NWD2: variants seen among roughly 807,000 people sequenced by gnomAD.
NWD2 encodes the protein NACHT and WD repeat domain containing 2.
Under a neutral mutation model 132.7 loss-of-function variants are expected in NWD2, and 37 were observed. The ratio of observed to expected loss-of-function variants is 0.28; its 90% confidence interval spans 0.21 to 0.37. The LOEUF (loss-of-function observed/expected upper bound fraction) is 0.37. Ranked by LOEUF, NWD2 falls within the 10% of genes least tolerant of loss-of-function variation. The probability of loss-of-function intolerance (pLI) is 1.00; values close to 1 mark genes in which losing one functional copy is unlikely to be tolerated. For synonymous variants in NWD2, 705 were observed against 803.0 expected (o/e 0.88, Z 2.06); for missense variants, 1,592 against 2,122.4 (o/e 0.75, Z 4.91).
In NWD2 at chr4:37,439,224, C is replaced by A; in HGVS notation, c.1130C>A (p.Ser377Ter). The A allele has an allele frequency of 6.4e-7, 1 of 1,550,870 alleles. No individual in the cohort carries two copies. Among genetic ancestry groups the A allele is most frequent in the South Asian group, 1.2e-5 (1 of 83,812 alleles). The change falls in exon 6 of 7, where the codon TCA becomes TAA. Residue 377 changes from serine (S) to a stop codon, truncating the protein, a stop_gained. Coordinates refer to ENST00000309447, the MANE Select transcript of NWD2 (RefSeq NM_001144990.2). LOFTEE classifies it high-confidence loss of function. This position sits in a 1 kb window ranked among gnomAD's most constrained non-coding sequence, Gnocchi z 4.5. ...DTLYDEILQHSSLCKTYASFY... is the reference protein window; with the variant it reads ...DTLYDEILQH ...CTCTATGATGAAATCCTTCAACATT[C>A]ATCATTATGTAAAACATACGCCTCC...
At chr4:37,348,637 CATATAT>C (rs370439742) in intron 2 of NWD2, among the ~76,000 whole-genome samples, 793 of 26,534 alleles carry the variant, frequency 0.03, 29 homozygotes, top group Middle Eastern at 0.1. Flanking sequence ...GTGGTTAATT[CATATAT>C]ATATATATAT....
At chr4:37,373,197 G>A (rs1720267010) in intron 3 of NWD2, among the ~76,000 whole-genome samples, 1 of 152,212 alleles carries the variant, frequency 6.6e-6, no homozygotes, top group Non-Finnish European at 1.5e-5. Flanking sequence ...CCATTTCGCA[G>A]ATAAGGAAAC....
chr4:37,312,732 T>C (rs558891651), intron 1 of NWD2, among the ~76,000 whole-genome samples: 1 of 151,170 alleles, frequency 6.6e-6, no homozygotes, highest in Admixed American at 6.5e-5. Context: ...ATGCTTCCAG[T>C]TTTTGCCCAT....
intron 2 of NWD2, among the ~76,000 whole-genome samples, chr4:37,329,051 G>A (rs1363071909): frequency 1.3e-5 from 2 of 151,480 alleles, no homozygotes; most frequent in East Asian, 3.9e-4. Flanking sequence ...AAAAAAAAAT[G>A]AATGAATGAA....
intron 3 of NWD2, among the ~76,000 whole-genome samples, chr4:37,384,183 T>A (rs1483892248): frequency 6.6e-6 from 1 of 152,226 alleles, no homozygotes; most frequent in African/African-American, 2.4e-5. Context: ...AGTTTATGTC[T>A]ATCTAGCCTG....
rs964984126 is a variant in NWD2 at position 37,446,872 on chromosome 4, C to A, written c.4884C>A (p.His1628Gln). 4 of 1,551,642 alleles carry A rather than the reference C, an allele frequency of 2.6e-6. No individual in the cohort carries two copies. The African/African-American group carries it at 5.5e-5, about 21-fold the overall frequency. Residue 1628 changes from histidine to glutamine, a missense_variant, in exon 7 of 7, where the codon CAC becomes CAA. By Grantham distance (24) the His-to-Gln change is conservative. Transcript: ENST00000309447. The surrounding 1 kb of genome is among the most constrained non-coding windows in gnomAD (Gnocchi z 6.7). ...TPTFLALSQR[H>Q]LNIIVGFDDG... ...CTTTCCTTGCACTCTCCCAGAGGCA[C>A]CTGAACATCATTGTGGGCTTTGATG...
chr4:37,417,928 G>A (rs906240674), intron 3 of NWD2, among the ~76,000 whole-genome samples: 1 of 152,098 alleles, frequency 6.6e-6, no homozygotes, highest in South Asian at 2.1e-4. Flanking sequence ...AATATTTATG[G>A]ATATATGTAT....
intron 5 of NWD2, among the ~76,000 whole-genome samples, chr4:37,434,562 G>A (rs1393625441): frequency 6.6e-6 from 1 of 152,174 alleles, no homozygotes; most frequent in African/African-American, 2.4e-5. Context: ...TAGGATAATA[G>A]TGACTGATAA....
chr4:37,304,288 C>A (rs1323873633), intron 1 of NWD2, among the ~76,000 whole-genome samples: 2 of 152,112 alleles, frequency 1.3e-5, no homozygotes, highest in South Asian at 4.1e-4. Context: ...TTCCACAAGG[C>A]CCCTCCTCCA....
At chr4:37,337,650 G>A (rs1719437353) in intron 2 of NWD2, among the ~76,000 whole-genome samples, 1 of 152,140 alleles carries the variant, frequency 6.6e-6, no homozygotes, top group Non-Finnish European at 1.5e-5. Context: ...GGCAGCACAG[G>A]CCCATGCCTG....
At chr4:37,333,811 G>A (rs1283749744) in intron 2 of NWD2, among the ~76,000 whole-genome samples, 8 of 152,056 alleles carry the variant, frequency 5.3e-5, no homozygotes, top group African/African-American at 1.7e-4. Flanking sequence ...GAAACTCAAA[G>A]AAGTTCAAGA....
At chr4:37,395,571 C>G (rs1360099167) in intron 3 of NWD2, among the ~76,000 whole-genome samples, 1 of 74,344 alleles carries the variant, frequency 1.3e-5, no homozygotes, top group Non-Finnish European at 2.3e-5. Context: ...GCAACAAGAG[C>G]GAAACTCTGT....
At chr4:37,356,684 C>A (rs998960057) in intron 3 of NWD2, among the ~76,000 whole-genome samples, 3 of 152,134 alleles carry the variant, frequency 2.0e-5, no homozygotes, top group Non-Finnish European at 4.4e-5. Context: ...TGCCAATTAA[C>A]GGTGAATAAT....
chr4:37,438,737 T>C, intron 5 of NWD2, 64 bp from the exon 6 acceptor site: 3 of 1,084,030 alleles, frequency 2.8e-6, no homozygotes, highest in Non-Finnish European at 3.9e-6. Context: ...TGTTGACTAT[T>C]GAGAATGTGG....
At chr4:37,366,931 C>G (rs931761047) in intron 3 of NWD2, among the ~76,000 whole-genome samples, 5 of 152,132 alleles carry the variant, frequency 3.3e-5, no homozygotes, top group Admixed American at 2.6e-4. Flanking sequence ...AAGTAGAAAA[C>G]AAATCCGTAA....
rs547461153 is a variant in NWD2, at chr4:37,447,383, T to C, written c.*166T>C. 1 of 607,416 alleles carries C rather than the reference T, an allele frequency of 1.6e-6. No homozygotes were observed. The highest frequency in any genetic ancestry group is 2.8e-5 in the East Asian group (1 of 36,206). 37.6% of individuals were successfully genotyped at this position (607,416 alleles called of 1,614,324 possible). The stretch of plus-strand genomic sequence containing the variant: ...TGGACAAATAGGTTAGTCTTGGGTG[T>C]GGTCTTTTTGTCAAAGTGTATCCAG... On this transcript the variant is annotated 3_prime_UTR_variant, in exon 7 of 7. Transcript: ENST00000309447.
intron 3 of NWD2, among the ~76,000 whole-genome samples, chr4:37,387,907 C>T (rs973333732): frequency 1.3e-5 from 2 of 151,756 alleles, no homozygotes; most frequent in Admixed American, 6.6e-5. Context: ...CTCCTGACCT[C>T]AGGTGATCCA....
At chr4:37,393,247 GA>G (rs568862751) in intron 3 of NWD2, among the ~76,000 whole-genome samples, 66 of 152,316 alleles carry the variant, frequency 4.3e-4, no homozygotes, top group African/African-American at 1.5e-3. Context: ...GGGATTCAGA[GA>G]AAACTGTCTT....
At chr4:37,296,728 T>A (rs975544819) in intron 1 of NWD2, among the ~76,000 whole-genome samples, 8 of 152,146 alleles carry the variant, frequency 5.3e-5, no homozygotes, top group African/African-American at 1.7e-4. Context: ...AAAGCCTACC[T>A]ATTAGGTACA....
Sources: allele counts gnomAD v4.1 joint callset (sites outside exome capture counted in the v4.1 genomes callset), GRCh38; gene constraint gnomAD v4.1.1; non-coding constraint Gnocchi (gnomAD v3.1); transcripts MANE v1.5; gene names NCBI Gene and HGNC (gene_info 2026-07-23, HGNC 2026-07-21).